MBD5: variants seen among roughly 807,000 people sequenced by gnomAD.
The protein encoded by MBD5 is methyl-CpG-binding domain protein 5.
MBD5 carries 13 observed loss-of-function variants against 117.3 expected under a neutral mutation model. The ratio of observed to expected loss-of-function variants is 0.11; its 90% CI spans 0.07 to 0.18. The LOEUF (loss-of-function observed/expected upper bound fraction) is 0.18, where lower values mean the gene tolerates loss of function less well. Ranked by LOEUF, MBD5 falls within the 10% of genes least tolerant of loss-of-function variation. The probability of loss-of-function intolerance (pLI) is 1.00; values close to 1 mark genes in which losing one functional copy is unlikely to be tolerated. For synonymous variants in MBD5, 727 were observed against 766.4 expected, an observed-to-expected ratio of 0.95 and a Z score of 0.85; for missense variants, 1,879 against 2,093.8, an observed-to-expected ratio of 0.90 and a Z score of 2.00.
intron 8 of MBD5, among the ~76,000 whole-genome samples, chr2:148,474,436 C>G (rs1228509103): frequency 6.6e-6 from 1 of 152,036 alleles, no homozygotes; most frequent in East Asian, 1.9e-4. Flanking sequence ...TATTAGCAAC[C>G]CTACCTTCTT....
At chr2:148,278,373 A>G (rs1701163732) in intron 3 of MBD5, among the ~76,000 whole-genome samples, 5 of 152,134 alleles carry the variant, frequency 3.3e-5, no homozygotes. Flanking sequence ...TATAGCTGAT[A>G]GAGAGGCTTG....
rs534546852 is a variant in MBD5 at position 148,483,855 on chromosome 2, G to C, written c.3264G>C (p.Gln1088His). 1.9e-6 allele frequency: 3 copies of C among 1,550,570 alleles called. No homozygotes were observed. In the Admixed American group the frequency reaches 5.9e-5, roughly 30 times the overall value. Residue 1088 changes from glutamine (Q) to histidine (H), a missense_variant, in exon 9 of 14, where the codon CAG (glutamine) becomes CAC (histidine). Physicochemically the swap from Gln to His is conservative, Grantham distance 24 (BLOSUM62 0). Around this residue, in one of 4 missense-constraint regions of MBD5, gnomAD observed 1,666 missense variants for 1,792.2 expected, o/e 0.93. Transcript: ENST00000642680. ...CAGGATTAATGACCTTGAATCCCCAGCTGTTGGGAGGTGTCCTGAACTCGG... is the reference window on the plus strand; with the variant it reads ...CAGGATTAATGACCTTGAATCCCCACCTGTTGGGAGGTGTCCTGAACTCGG... ...GASGLMTLNP[Q>H]LLGGVLNSAS...
intron 3 of MBD5, among the ~76,000 whole-genome samples, chr2:148,306,542 A>T (rs527907482): frequency 6.6e-6 from 1 of 152,278 alleles, no homozygotes; most frequent in East Asian, 1.9e-4. Flanking sequence ...AGGCAGGGAG[A>T]AAAAAATAAA....
At chr2:148,339,224 A>T (rs75169279) in intron 3 of MBD5, among the ~76,000 whole-genome samples, 1,924 of 152,222 alleles carry the variant, frequency 0.013, 40 homozygotes, top group African/African-American at 0.043. Context: ...TCTGGATGAA[A>T]CACATTCCTC....
intron 3 of MBD5, among the ~76,000 whole-genome samples, chr2:148,287,599 A>G (rs1701393665): frequency 6.6e-6 from 1 of 152,228 alleles, no homozygotes; most frequent in African/African-American, 2.4e-5. Context: ...CACAGATTGC[A>G]TAATTTATAA....
chr2:148,272,593 T>C (rs964151961), intron 3 of MBD5, among the ~76,000 whole-genome samples: 8 of 152,210 alleles, frequency 5.3e-5, no homozygotes, highest in Admixed American at 1.3e-4. Flanking sequence ...GTTTGAGAAA[T>C]GTCTATTCAG....
intron 12 of MBD5, among the ~76,000 whole-genome samples, chr2:148,509,677 A>G (rs778290690): frequency 6.6e-6 from 1 of 152,182 alleles, no homozygotes; most frequent in Admixed American, 6.5e-5. Flanking sequence ...CTGATCACAC[A>G]GTCAGGCTGA....
At chr2:148,023,427 G>C (rs1693819741) in intron 1 of MBD5, among the ~76,000 whole-genome samples, 1 of 152,072 alleles carries the variant, frequency 6.6e-6, no homozygotes, top group Non-Finnish European at 1.5e-5. Flanking sequence ...AAATAAAAAA[G>C]CTTTATAGCA....
At chr2:148,102,003 TC>T (rs1696229473) in intron 1 of MBD5, among the ~76,000 whole-genome samples, 1 of 152,192 alleles carries the variant, frequency 6.6e-6, no homozygotes, top group Non-Finnish European at 1.5e-5. Flanking sequence ...CTTGTTTCTA[TC>T]TTAACCCATC....
intron 3 of MBD5, among the ~76,000 whole-genome samples, chr2:148,334,014 C>CT (rs1043953432): frequency 1.1e-4 from 16 of 151,950 alleles, no homozygotes; most frequent in South Asian, 2.1e-4. Context: ...TTAGTTTCTT[C>CT]TTTTTTTTGT....
intron 3 of MBD5, among the ~76,000 whole-genome samples, chr2:148,337,469 G>A (rs1702827588): frequency 6.6e-6 from 1 of 152,110 alleles, no homozygotes; most frequent in African/African-American, 2.4e-5. Flanking sequence ...AAGAAAGCAA[G>A]GTATAGAACA....
intron 3 of MBD5, among the ~76,000 whole-genome samples, chr2:148,289,180 T>A (rs1263053250): frequency 6.6e-6 from 1 of 152,214 alleles, no homozygotes; most frequent in Non-Finnish European, 1.5e-5. Context: ...TGATACAAAC[T>A]CATTCTTTTC....
At chr2:148,080,482 T>C (rs564240305) in intron 1 of MBD5, among the ~76,000 whole-genome samples, 6 of 152,294 alleles carry the variant, frequency 3.9e-5, no homozygotes, top group African/African-American at 1.2e-4. Flanking sequence ...TTGCTCTATA[T>C]ATAATAATGC....
intron 4 of MBD5, among the ~76,000 whole-genome samples, chr2:148,421,805 A>G (rs1705616644): frequency 6.6e-6 from 1 of 152,220 alleles, no homozygotes; most frequent in African/African-American, 2.4e-5. Flanking sequence ...CAGTGTAAAC[A>G]AAGCTGCCAG....
At chr2:148,078,907 A>G (rs1695573441) in intron 1 of MBD5, among the ~76,000 whole-genome samples, 1 of 152,206 alleles carries the variant, frequency 6.6e-6, no homozygotes, top group South Asian at 2.1e-4. Context: ...TGTGTTAATT[A>G]TTTTATTAAT....
chr2:148,379,880 A>G (rs1241742830), intron 4 of MBD5, among the ~76,000 whole-genome samples: 1 of 152,158 alleles, frequency 6.6e-6, no homozygotes, highest in Non-Finnish European at 1.5e-5. Context: ...AAACAAATAA[A>G]TATAAATTTT....
Position 148,021,589 on chromosome 2 carries a change from C to T in MBD5, c.-1020C>T. On this transcript the variant is annotated 5_prime_UTR_variant, in exon 1 of 14. Transcript: ENST00000642680. ...CCACTTCCCCAGCTCTCCTCCTCCT[C>T]CTTCGCCTCCTCCTCCTCCACTCCC... is the stretch of plus-strand genomic sequence containing the variant. 1 of 501,656 alleles carries T rather than the reference C, an allele frequency of 2.0e-6. No individual in the cohort carries two copies. Among genetic ancestry groups the T allele is most frequent in the Admixed American group, 2.3e-5 (1 of 43,792 alleles). 31.1% of individuals were successfully genotyped at this position (501,656 alleles called of 1,614,324 possible).
chr2:148,272,569 A>G (rs1445080246), intron 3 of MBD5, among the ~76,000 whole-genome samples: 1 of 152,014 alleles, frequency 6.6e-6, no homozygotes, highest in Non-Finnish European at 1.5e-5. Flanking sequence ...CCTATTCACC[A>G]TTTGTATGTC....
Position 148,483,930 on chromosome 2 carries a change from C to A in MBD5, c.3339C>A (p.Ser1113=). The change falls in exon 9 of 14, where the codon TCC becomes TCA. Residue 1113 remains serine, a synonymous_variant. Transcript: ENST00000642680. ...NHPEVSIATS[S]QATTTTTTTS... ...CAGAGGTTTCCATAGCAACCTCCTC[C>A]CAGGCAACCACTACCACAACCACTA... 2 of 1,550,518 alleles carry A rather than the reference C, an allele frequency of 1.3e-6. No homozygotes were observed. The highest frequency in any genetic ancestry group is 1.7e-6 in the Non-Finnish European group (2 of 1,146,954).
Sources: gnomAD v4.1 joint callset for allele counts (sites outside exome capture counted in the v4.1 genomes callset) on GRCh38, gnomAD v4.1.1 for gene constraint, gnomAD v4.1.1 regional missense constraint, MANE v1.5 for transcripts, NCBI Gene and HGNC (gene_info 2026-07-23, HGNC 2026-07-21) for gene names.